DDX21: variants seen among roughly 807,000 people sequenced by gnomAD.
DDX21 encodes DExD-box helicase 21.
Under a neutral mutation model 90.0 loss-of-function variants are expected in DDX21, and 18 were observed. The observed-to-expected ratio is 0.20, with a 90% CI of 0.14 to 0.30. The LOEUF (loss-of-function observed/expected upper bound fraction) is 0.30, where lower values mean the gene tolerates loss of function less well. DDX21 is among the 10% of genes least tolerant of loss of function. The pLI is 1.00. For synonymous variants in DDX21, 294 were observed against 318.0 expected (o/e 0.92, Z 0.80); for missense variants, 673 against 944.5 (o/e 0.71, Z 3.77).
intron 4 of DDX21, 43 bp from the exon 5 acceptor site, chr10:68,965,334 A>G (rs1463991137): frequency 6.6e-7 from 1 of 1,514,662 alleles, no homozygotes; most frequent in Admixed American, 1.7e-5. Flanking sequence ...TTAAGAAACA[A>G]ATACTACACA....
At chr10:68,960,774 TA>T (rs35285469) in intron 2 of DDX21, among the ~76,000 whole-genome samples, 108,901 of 142,454 alleles carry the variant, frequency 0.76, 41,333 homozygotes, top group East Asian at 0.9. Context: ...ACTCTGTCTT[TA>T]AAAAAAAAAA....
At chr10:68,973,708 A>C in intron 10 of DDX21, 44 bp downstream of exon 10, 1 of 1,587,976 alleles carries the variant, frequency 6.3e-7, no homozygotes, top group Non-Finnish European at 8.6e-7. Flanking sequence ...TTGAGTTCTA[A>C]AGTCAGTCTT....
intron 1 of DDX21, 58 bp from the exon 2 acceptor site, chr10:68,959,748 T>G: frequency 8.1e-7 from 1 of 1,231,344 alleles, no homozygotes. Flanking sequence ...TTGATGAATG[T>G]TGCAAATGTA....
rs780702916 is a variant in DDX21, at chr10:68,967,007, G to C, written c.905-11G>C. Reference sequence around the variant, plus strand: ...TAAAAACCCAGCAAATCTTGTCATTGTTTTTTATAGTTGAACGCATGAGGA... The same window carrying C: ...TAAAAACCCAGCAAATCTTGTCATTCTTTTTTATAGTTGAACGCATGAGGA... On this transcript the variant is annotated splice_polypyrimidine_tract_variant and intron_variant, in intron 5 of 14. Transcript: ENST00000354185. 6.2e-7 allele frequency: 1 copy of C among 1,603,210 alleles called. No homozygotes were observed. The highest frequency in any genetic ancestry group is 1.1e-5 in the South Asian group (1 of 89,878).
chr10:68,956,200 GT>G lies in DDX21; in HGVS notation c.-25del. Reference sequence around the variant, plus strand: ...CCTCTCCACGCGGTTGAGAAGACCGGTCGGCCTGGGCAACCTGCGCTGAAGA... The same window carrying G: ...CCTCTCCACGCGGTTGAGAAGACCGGCGGCCTGGGCAACCTGCGCTGAAGA... On this transcript the variant is annotated 5_prime_UTR_variant, in exon 1 of 15. Transcript: ENST00000354185. The G allele has an allele frequency of 6.2e-7, 1 of 1,612,548 alleles. No individual in the cohort carries two copies. The highest frequency in any genetic ancestry group is 8.5e-7 in the Non-Finnish European group (1 of 1,179,074).
At chr10:68,981,870 T>C (rs1036156153) in intron 14 of DDX21, among the ~76,000 whole-genome samples, 1 of 151,830 alleles carries the variant, frequency 6.6e-6, no homozygotes, top group African/African-American at 2.4e-5. Context: ...TGTGTGTGTG[T>C]GTGCATGTGT....
rs1280153683 is a variant in DDX21, at chr10:68,956,179, T to C, written c.-47T>C. 2 of 1,600,532 alleles carry C rather than the reference T, an allele frequency of 1.2e-6. No individual in the cohort carries two copies. Among genetic ancestry groups the C allele is most frequent in the Non-Finnish European group, 8.5e-7 (1 of 1,170,278 alleles). On this transcript the variant is annotated 5_prime_UTR_variant, in exon 1 of 15. Transcript: ENST00000354185. Reference sequence around the variant, plus strand: ...CAGGGTGGGGAACTACCTCTTCCTCTCCACGCGGTTGAGAAGACCGGTCGG... The same window carrying C: ...CAGGGTGGGGAACTACCTCTTCCTCCCCACGCGGTTGAGAAGACCGGTCGG...
rs1314045138 is a variant in DDX21 at position 68,982,560 on chromosome 10, A to C, written c.2100A>C (p.Ser700=). 6.2e-7 allele frequency: 1 copy of C among 1,610,074 alleles called. No homozygotes were observed. The highest frequency in any genetic ancestry group is 1.1e-5 in the South Asian group (1 of 91,032). ...VTEIQEKWHD[S]RRWQLSVATE... The stretch of plus-strand genomic sequence containing the variant: ...CTCAACAGGAGAAATGGCATGATTC[A>C]CGACGCTGGCAGCTCTCTGTGGCCA... Residue 700 remains serine (S), a synonymous_variant, in exon 15 of 15, where the codon TCA becomes TCC. Coordinates refer to ENST00000354185, the MANE Select transcript of DDX21 (RefSeq NM_004728.4).
intron 7 of DDX21, among the ~76,000 whole-genome samples, chr10:68,969,406 A>G (rs1328043458): frequency 2.0e-5 from 3 of 152,048 alleles, no homozygotes; most frequent in Non-Finnish European, 4.4e-5. Context: ...CAGCCTCCTG[A>G]GTGGCTGGGA....
Position 68,963,315 on chromosome 10 carries a change from C to G in DDX21, c.632C>G (p.Pro211Arg). Reference sequence around the variant, plus strand: ...GGCCGAGGAGTGACCTTCCTATTTCCTATACAAGCAAAGACATTCCATCAT... The same window carrying G: ...GGCCGAGGAGTGACCTTCCTATTTCGTATACAAGCAAAGACATTCCATCAT... ...LKGRGVTFLF[P>R]IQAKTFHHVY... The change falls in exon 4 of 15, where the codon CCT becomes CGT. Residue 211 changes from proline to arginine, a missense_variant. Transcript: ENST00000354185. The G allele has an allele frequency of 6.2e-7, 1 of 1,612,990 alleles. No homozygotes were observed. The highest frequency in any genetic ancestry group is 8.5e-7 in the Non-Finnish European group (1 of 1,179,586).
At chr10:68,976,960 A>T (rs1291247735) in intron 11 of DDX21, among the ~76,000 whole-genome samples, 2 of 150,740 alleles carry the variant, frequency 1.3e-5, no homozygotes, top group East Asian at 3.9e-4. Flanking sequence ...TTTTTTTTTT[A>T]AAGAGACGGA....
At chr10:68,971,493 G>C (rs1843027941) in intron 8 of DDX21, among the ~76,000 whole-genome samples, 1 of 152,060 alleles carries the variant, frequency 6.6e-6, no homozygotes, top group South Asian at 2.1e-4. Context: ...CAGTCTGCCT[G>C]TCTGGGCCTC....
chr10:68,981,848 A>G (rs1352983743), intron 14 of DDX21, among the ~76,000 whole-genome samples: 1 of 151,042 alleles, frequency 6.6e-6, no homozygotes, highest in East Asian at 1.9e-4. Flanking sequence ...TGGTATATAG[A>G]TTTTGTGTGT....
At chr10:68,972,453 A>G (rs1283387920) in intron 9 of DDX21, among the ~76,000 whole-genome samples, 1 of 152,202 alleles carries the variant, frequency 6.6e-6, no homozygotes, top group Admixed American at 6.5e-5. Flanking sequence ...CCTCTCAAGG[A>G]GGACCCTGAA....
intron 2 of DDX21, among the ~76,000 whole-genome samples, chr10:68,961,731 A>T (rs1211903266): frequency 1.3e-5 from 2 of 152,204 alleles, no homozygotes; most frequent in Non-Finnish European, 2.9e-5. Context: ...CTGCTTTGGA[A>T]GAGGGCTAAT....
intron 8 of DDX21, among the ~76,000 whole-genome samples, chr10:68,970,955 ATTTTTTTTTT>A (rs56314802): frequency 1.5e-4 from 11 of 72,518 alleles, no homozygotes; most frequent in South Asian, 6.0e-4. Context: ...GCCCAGCCTA[ATTTTTTTTTT>A]TTTTTTTTTT....
chr10:68,981,093 C>T (rs1843183352), intron 13 of DDX21, among the ~76,000 whole-genome samples: 1 of 152,140 alleles, frequency 6.6e-6, no homozygotes, highest in Non-Finnish European at 1.5e-5. Context: ...GAATAGCTGG[C>T]ATTGCTTTTC....
chr10:68,965,587 A>G, intron 5 of DDX21, 93 bp downstream of exon 5: 2 of 907,272 alleles, frequency 2.2e-6, no homozygotes, highest in South Asian at 3.0e-5. Flanking sequence ...TGGCTTCTCT[A>G]TATAGGATAG....
chr10:68,981,473 C>A lies in DDX21; in HGVS notation c.2038-64C>A, dbSNP rs767804989. 322 of 1,396,664 alleles carry A rather than the reference C, an allele frequency of 2.3e-4. 1 individual carries two copies. Among genetic ancestry groups the A allele is most frequent in the Non-Finnish European group, 3.1e-4 (305 of 996,466 alleles). The allele number at this position is 1,396,664 out of a possible 1,614,324, so 86.5% of individuals were successfully genotyped here. Reference sequence around the variant, plus strand: ...TTCTTTTTTTTAAAGAATACGTGGTCTTTTAAAGGGAGTATTTTTCATGTG... The same window carrying A: ...TTCTTTTTTTTAAAGAATACGTGGTATTTTAAAGGGAGTATTTTTCATGTG... On this transcript the variant is annotated intron_variant, in intron 13 of 14. Transcript: ENST00000354185.
Sources: gnomAD v4.1 joint callset for allele counts (sites outside exome capture counted in the v4.1 genomes callset) on GRCh38, gnomAD v4.1.1 for gene constraint, MANE v1.5 for transcripts, NCBI Gene and HGNC (gene_info 2026-07-23, HGNC 2026-07-21) for gene names.